COL5A2: variants seen among roughly 807,000 people sequenced by gnomAD.
COL5A2 encodes collagen alpha-2(V) chain.
A neutral mutation model predicts 208.2 loss-of-function variants in COL5A2; 23 were observed. The observed-to-expected ratio is 0.11, with a 90% CI of 0.08 to 0.16. The LOEUF (loss-of-function observed/expected upper bound fraction) is 0.16, where lower values mean the gene tolerates loss of function less well. COL5A2 is among the 10% of genes least tolerant of loss of function. The pLI is 1.00. For missense variants in COL5A2, 1,590 were observed against 1,956.4 expected (o/e 0.81, Z 3.53); for synonymous variants, 625 against 628.5 (o/e 0.99, Z 0.08).
chr2:189,051,856 AG>A (rs1685796491), intron 41 of COL5A2, among the ~76,000 whole-genome samples: 1 of 152,236 alleles, frequency 6.6e-6, no homozygotes, highest in Non-Finnish European at 1.5e-5. Flanking sequence ...CATTTATTAA[AG>A]AAAGTTTCAT....
the COL5A2 span, among the ~76,000 whole-genome samples, chr2:189,274,723 G>T: frequency 6.6e-6 from 1 of 151,656 alleles, no homozygotes. Context: ...ATCAAAAAGA[G>T]AATTACCATT....
At chr2:189,289,468 C>T in the COL5A2 span, among the ~76,000 whole-genome samples, 2 of 152,094 alleles carry the variant, frequency 1.3e-5, no homozygotes, top group Non-Finnish European at 2.9e-5. Flanking sequence ...TCTCCAAGAT[C>T]AGGAACACGA....
At chr2:189,136,873 AT>A (rs1405864522) in intron 1 of COL5A2, among the ~76,000 whole-genome samples, 1 of 152,156 alleles carries the variant, frequency 6.6e-6, no homozygotes, top group African/African-American at 2.4e-5. Context: ...ATGGCAAGCT[AT>A]AAACTTGCTT....
At chr2:189,227,207 G>C, upstream of COL5A2, among the ~76,000 whole-genome samples, 1 of 151,936 alleles carries the variant, frequency 6.6e-6, no homozygotes, top group East Asian at 1.9e-4. Context: ...GGGAAAAATG[G>C]CCCAATCAAA....
At chr2:189,039,170 A>C in intron 51 of COL5A2, 102 bp downstream of exon 51, 3 of 1,381,936 alleles carry the variant, frequency 2.2e-6, no homozygotes, top group Non-Finnish European at 3.1e-6. Flanking sequence ...TTTATCTCAA[A>C]TCTATCACTA....
chr2:189,179,539 G>C lies in COL5A2; in HGVS notation c.66C>G (p.Val22=), dbSNP rs779260890. 2 of 1,611,736 alleles carry C rather than the reference G, an allele frequency of 1.2e-6. No homozygotes were observed. Among genetic ancestry groups the C allele is most frequent in the Admixed American group, 1.7e-5 (1 of 59,796 alleles). ...CGTCTTCTTCCTGGGCTTTTATTGA[G>C]ACAAATTGCCCTAATAAAACAATAA... ...LILIVLLGQF[V]SIKAQEEDED... The change falls in exon 1 of 54, where the codon GTC becomes GTG. Residue 22 remains valine (V), a synonymous_variant. Transcript: ENST00000374866.
At chr2:189,262,378 C>A in the COL5A2 span, among the ~76,000 whole-genome samples, 2 of 152,042 alleles carry the variant, frequency 1.3e-5, no homozygotes, top group Non-Finnish European at 2.9e-5. Context: ...CATGCACACA[C>A]ACACACACAT....
chr2:189,057,518 C>T, intron 33 of COL5A2, 91 bp from the exon 34 acceptor site: 1 of 903,148 alleles, frequency 1.1e-6, no homozygotes, highest in Non-Finnish European at 1.8e-6. Context: ...TAGTTGTCAG[C>T]AATTTCATGT....
the COL5A2 span, among the ~76,000 whole-genome samples, chr2:189,395,714 G>T: frequency 6.6e-6 from 1 of 151,324 alleles, no homozygotes; most frequent in Non-Finnish European, 1.5e-5. Context: ...AATCATCCTG[G>T]CCAATATGGT....
intron 17 of COL5A2, among the ~76,000 whole-genome samples, chr2:189,075,052 T>C (rs1317689504): frequency 6.6e-6 from 1 of 152,178 alleles, no homozygotes; most frequent in East Asian, 1.9e-4. Context: ...CTTCCTAGAA[T>C]TTTCTGAGCC....
At chr2:189,157,232 C>T (rs1688272548) in intron 1 of COL5A2, among the ~76,000 whole-genome samples, 1 of 150,184 alleles carries the variant, frequency 6.7e-6, no homozygotes, top group South Asian at 2.1e-4. Context: ...ACTTATAGAT[C>T]ATATTTCACA....
chr2:189,352,926 T>C, the COL5A2 span, among the ~76,000 whole-genome samples: 1 of 152,160 alleles, frequency 6.6e-6, no homozygotes, highest in African/African-American at 2.4e-5. Context: ...TTTTAGGTCT[T>C]ACGTTTAAGT....
chr2:189,439,044 C>T, the COL5A2 span, among the ~76,000 whole-genome samples: 1 of 152,204 alleles, frequency 6.6e-6, no homozygotes, highest in East Asian at 1.9e-4. Context: ...TTTCACCAAA[C>T]AGCTCCATGC....
chr2:189,081,156 T>A, intron 12 of COL5A2, 113 bp from the exon 13 acceptor site: 1 of 812,168 alleles, frequency 1.2e-6, no homozygotes, highest in Non-Finnish European at 2.1e-6. Flanking sequence ...CAGCAACATA[T>A]TAAGAAGAAC....
the COL5A2 span, among the ~76,000 whole-genome samples, chr2:189,267,080 T>C: frequency 2.6e-5 from 4 of 152,100 alleles, no homozygotes; most frequent in East Asian, 1.9e-4. Flanking sequence ...AAGAATCTTA[T>C]GGTGGTGGGT....
rs528376514 is a variant in COL5A2, at chr2:189,076,075, TTGAC to T, written c.1060-642_1060-639del. 3.3e-5 allele frequency among the ~76,000 whole-genome samples: 5 copies of T among 152,338 alleles called. No homozygotes were observed. In the South Asian group the frequency reaches 1.0e-3, roughly 32 times the overall value. On this transcript the variant is annotated intron_variant, in intron 16 of 53. Transcript: ENST00000374866. ...TCTCAGCTCCATAGTTCCCCTGAAA[TTGAC>T]TGAGATCTCTGTTGCAATTGCAACA... is the stretch of plus-strand genomic sequence containing the variant.
At chr2:189,212,971 C>T (rs1051788298) in intron 1 of COL5A2, among the ~76,000 whole-genome samples, 3 of 151,852 alleles carry the variant, frequency 2.0e-5, no homozygotes, top group Non-Finnish European at 4.4e-5. Context: ...TCAATGTAAC[C>T]TCTGCCTCCT....
intron 34 of COL5A2, 101 bp from the exon 35 acceptor site, chr2:189,057,127 T>C: frequency 7.4e-7 from 1 of 1,354,920 alleles, no homozygotes; most frequent in South Asian, 1.2e-5. Flanking sequence ...ATTTTCCTAG[T>C]CGTATCCAGG....
the COL5A2 span, among the ~76,000 whole-genome samples, chr2:189,310,364 G>T: frequency 0.037 from 5,621 of 152,234 alleles, 119 homozygotes; most frequent in Admixed American, 0.05. Context: ...AAAGCTACAA[G>T]GAGATATCAT....
Sources: gnomAD v4.1 joint callset for allele counts (sites outside exome capture counted in the v4.1 genomes callset) on GRCh38, gnomAD v4.1.1 for gene constraint, MANE v1.5 for transcripts, NCBI Gene and HGNC (gene_info 2026-07-23, HGNC 2026-07-21) for gene names.